PPIP5K2: variants seen among roughly 807,000 people sequenced by gnomAD.
The protein encoded by PPIP5K2 is diphosphoinositol pentakisphosphate kinase 2.
Under a neutral mutation model 154.6 loss-of-function variants are expected in PPIP5K2, and 105 were observed. That is an observed-to-expected ratio of 0.68 (90% CI 0.58 to 0.80). The LOEUF is 0.80. Among genes scored for constraint, PPIP5K2 ranks in the 30% least tolerant of loss-of-function variants. The probability of loss-of-function intolerance (pLI) is 0.00; values close to 1 mark genes in which losing one functional copy is unlikely to be tolerated. For synonymous variants in PPIP5K2, 480 were observed against 490.3 expected (o/e 0.98, Z 0.28); for missense variants, 992 against 1,504.6 (o/e 0.66, Z 5.64).
chr5:103,164,503 T>C (rs1190299051), intron 17 of PPIP5K2, among the ~76,000 whole-genome samples: 1 of 152,078 alleles, frequency 6.6e-6, no homozygotes, highest in Admixed American at 6.6e-5. Context: ...CTAGGCCGTA[T>C]ATTTTCCTTT....
intron 5 of PPIP5K2, among the ~76,000 whole-genome samples, chr5:103,139,352 A>G (rs1792148386): frequency 6.6e-6 from 1 of 152,156 alleles, no homozygotes; most frequent in Admixed American, 6.5e-5. Flanking sequence ...AGGAACACCA[A>G]ATTATAAACT....
intron 1 of PPIP5K2, among the ~76,000 whole-genome samples, chr5:103,121,033 G>A (rs1205834133): frequency 6.6e-6 from 1 of 152,088 alleles, no homozygotes; most frequent in African/African-American, 2.4e-5. Flanking sequence ...AGAAGAAGGG[G>A]CCAGGGTGAT....
At chr5:103,137,825 G>A (rs532149265) in intron 4 of PPIP5K2, among the ~76,000 whole-genome samples, 38 of 152,042 alleles carry the variant, frequency 2.5e-4, no homozygotes, top group African/African-American at 8.9e-4. Context: ...ATATATATGT[G>A]TTTTTATATA....
At position 103,202,126 on chromosome 5, in the gene PPIP5K2, C is replaced by T. The variant is rs1459881328; in HGVS notation, c.*492C>T. ...ATTAGAATATCTTTCCCAATTGTTACAGTGACATATATGCTGCAATATTTA... is the reference window on the plus strand; with the variant it reads ...ATTAGAATATCTTTCCCAATTGTTATAGTGACATATATGCTGCAATATTTA... On this transcript the variant is annotated 3_prime_UTR_variant, in exon 31 of 31. Coordinates refer to ENST00000358359, the MANE Select transcript of PPIP5K2 (RefSeq NM_001276277.3). The T allele has an allele frequency of 6.5e-6, 1 of 152,994 alleles. No homozygotes were observed. The highest frequency in any genetic ancestry group is 1.5e-5 in the Non-Finnish European group (1 of 68,324). The allele number at this position is 152,994 out of a possible 1,614,324, so 9.5% of individuals were successfully genotyped here.
Position 103,208,903 on chromosome 5 carries a change from T to G in PPIP5K2, c.*7269T>G, listed in dbSNP as rs1263967262. 2.6e-5 allele frequency: 4 copies of G among 152,226 alleles called. No individual in the cohort carries two copies. The highest frequency in any genetic ancestry group is 4.4e-5 in the Non-Finnish European group (3 of 68,034). 9.4% of individuals were successfully genotyped at this position (152,226 alleles called of 1,614,324 possible). A position where few individuals can be genotyped will look rare whatever the true frequency, so the allele number is the denominator to read the frequency against. ...TTCTCTTCATATTTGATGATAATTT[T>G]TTAAATTAAGACCTAATTTCTCCTT... is the stretch of plus-strand genomic sequence containing the variant. On this transcript the variant is annotated 3_prime_UTR_variant, in exon 31 of 31. Transcript: ENST00000358359.
intron 1 of PPIP5K2, among the ~76,000 whole-genome samples, chr5:103,121,382 TAC>T (rs782192092): frequency 2.0e-5 from 3 of 152,220 alleles, no homozygotes; most frequent in Non-Finnish European, 4.4e-5. Context: ...ATCACCATTT[TAC>T]AGAGTTAGAA....
chr5:103,127,271 A>G (rs1395008327), intron 1 of PPIP5K2, among the ~76,000 whole-genome samples: 1 of 152,220 alleles, frequency 6.6e-6, no homozygotes, highest in Non-Finnish European at 1.5e-5. Flanking sequence ...GCATTGACAT[A>G]CTGGACCTGG....
At chr5:103,170,673 A>C (rs972264037) in intron 19 of PPIP5K2, among the ~76,000 whole-genome samples, 1 of 150,598 alleles carries the variant, frequency 6.6e-6, no homozygotes, top group Non-Finnish European at 1.5e-5. Context: ...TTTTTTTCAG[A>C]GTGTTGAATC....
At chr5:103,146,915 TC>T (rs1434537204) in intron 6 of PPIP5K2, among the ~76,000 whole-genome samples, 1 of 151,994 alleles carries the variant, frequency 6.6e-6, no homozygotes, top group East Asian at 1.9e-4. Flanking sequence ...ACTTGACTTT[TC>T]TTTTCCCTCC....
chr5:103,128,836 T>TA (rs1275223181), intron 1 of PPIP5K2, among the ~76,000 whole-genome samples: 13 of 152,258 alleles, frequency 8.5e-5, no homozygotes, highest in Middle Eastern at 3.4e-3. Context: ...TTATGTTCCC[T>TA]AAAAAAACTG....
intron 5 of PPIP5K2, among the ~76,000 whole-genome samples, chr5:103,142,810 T>C (rs954253595): frequency 2.6e-5 from 4 of 151,084 alleles, no homozygotes; most frequent in African/African-American, 9.7e-5. Context: ...ATCATCTGAA[T>C]GTGTAAAACT....
rs1803726712 is a variant in PPIP5K2, at chr5:103,210,140, A to G, written c.*8506A>G. The G allele has an allele frequency of 6.6e-6, 1 of 152,178 alleles. No individual in the cohort carries two copies. The highest frequency in any genetic ancestry group is 1.5e-5 in the Non-Finnish European group (1 of 68,020). 9.4% of individuals were successfully genotyped at this position (152,178 alleles called of 1,614,324 possible). On this transcript the variant is annotated 3_prime_UTR_variant, in exon 31 of 31. Coordinates refer to ENST00000358359, the MANE Select transcript of PPIP5K2 (RefSeq NM_001276277.3). ...ATCAATGAGCCACACTCATATTGGA[A>G]GCGAATGGAGTTGACTTCACCAGTG...
chr5:103,129,810 A>G (rs1379065247), intron 2 of PPIP5K2, 107 bp downstream of exon 2: 3 of 1,341,574 alleles, frequency 2.2e-6, no homozygotes, highest in Admixed American at 6.9e-5. Flanking sequence ...CTGAAAAAGT[A>G]TATTTTGTTT....
At position 103,173,831 on chromosome 5, in the gene PPIP5K2, T is replaced by C. The variant is rs781962740; in HGVS notation, c.2415-27T>C. 10 of 1,381,554 alleles carry C rather than the reference T, an allele frequency of 7.2e-6. No individual in the cohort carries two copies. In the East Asian group the frequency reaches 2.1e-4, roughly 29 times the overall value. 85.6% of individuals were successfully genotyped at this position (1,381,554 alleles called of 1,614,324 possible). A position where few individuals can be genotyped will look rare whatever the true frequency, so the allele number is the denominator to read the frequency against. ...TGAGTTTTTGATTATATGGTTATGT[T>C]TGAACACTGTCTGCTTCTAATTTTA... On this transcript the variant is annotated intron_variant, in intron 20 of 30. Transcript: ENST00000358359.
At chr5:103,156,316 T>G (rs1159672980) in intron 14 of PPIP5K2, among the ~76,000 whole-genome samples, 1 of 152,136 alleles carries the variant, frequency 6.6e-6, no homozygotes, top group African/African-American at 2.4e-5. Context: ...CTTTTGATAG[T>G]AGAGGGCAGA....
chr5:103,146,871 G>A (rs1415918999), intron 6 of PPIP5K2, among the ~76,000 whole-genome samples, 190 bp downstream of exon 6: 2 of 151,882 alleles, frequency 1.3e-5, no homozygotes, highest in Admixed American at 1.3e-4. Context: ...ATGTTGTTAA[G>A]CAGAATTTCT....
intron 19 of PPIP5K2, among the ~76,000 whole-genome samples, chr5:103,172,225 G>A (rs1273931709): frequency 1.3e-5 from 2 of 151,476 alleles, no homozygotes; most frequent in Non-Finnish European, 3.0e-5. Flanking sequence ...CACCTACATT[G>A]GCAAGATTAT....
chr5:103,154,076 G>C, intron 11 of PPIP5K2, 142 bp downstream of exon 11: 1 of 544,748 alleles, frequency 1.8e-6, no homozygotes, highest in Non-Finnish European at 3.2e-6. Context: ...CCAGTGGGTG[G>C]GTACAAAATC....
At position 103,130,785 on chromosome 5, in the gene PPIP5K2, C is replaced by T. The variant is rs144292929; in HGVS notation, c.114+1082C>T. The stretch of plus-strand genomic sequence containing the variant: ...AACTAGAAAGCACTATTGACTCAGC[C>T]TCTACTACCTTTGTCCCCTTTTTCT... On this transcript the variant is annotated intron_variant, in intron 2 of 30. Coordinates refer to ENST00000358359, the MANE Select transcript of PPIP5K2 (RefSeq NM_001276277.3). 8.7e-4 allele frequency among the ~76,000 whole-genome samples: 133 copies of T among 152,244 alleles called. 1 individual carries two copies. Among genetic ancestry groups the T allele is most frequent in the African/African-American group, 3.1e-3 (130 of 41,558 alleles).
Sources: gnomAD v4.1 joint callset for allele counts (sites outside exome capture counted in the v4.1 genomes callset) on GRCh38, gnomAD v4.1.1 for gene constraint, MANE v1.5 for transcripts, NCBI Gene and HGNC (gene_info 2026-07-23, HGNC 2026-07-21) for gene names.